The following PINK1 variants were observed in gnomAD, a reference collection of about 807,000 sequenced individuals.
The protein encoded by PINK1 is PTEN induced kinase 1, also known as serine/threonine-protein kinase PINK1, mitochondrial.
PINK1 carries 58 observed loss-of-function variants against 56.0 expected under a neutral mutation model. That is an observed-to-expected ratio of 1.04 (90% CI 0.84 to 1.29). The LOEUF is 1.29. PINK1 is among the 50% of genes most tolerant of loss of function. The pLI is 0.00. For missense variants in PINK1, 745 were observed against 777.9 expected (o/e 0.96, Z 0.50); for synonymous variants, 354 against 339.3 (o/e 1.04, Z -0.48).
In PINK1 at chr1:20,633,948, G is replaced by C. The variant is rs751273819; in HGVS notation, c.387+13G>C. ...TCAGGAGATCCAGGTGAGCGGGGCC[G>C]GGTCCTAAGCCGAGCGGAGGACGGA... On this transcript the variant is annotated intron_variant, in intron 1 of 7. Transcript: ENST00000321556. 6.3e-7 allele frequency: 1 copy of C among 1,580,106 alleles called. No individual in the cohort carries two copies. Among genetic ancestry groups the C allele is most frequent in the South Asian group, 1.1e-5 (1 of 87,166 alleles).
intron 3 of PINK1, among the ~76,000 whole-genome samples, chr1:20,642,450 G>T (rs1202062298): frequency 6.6e-6 from 1 of 152,196 alleles, no homozygotes; most frequent in Non-Finnish European, 1.5e-5. Flanking sequence ...CCTTGGACAT[G>T]CACAGTTATC....
intron 4 of PINK1, among the ~76,000 whole-genome samples, chr1:20,645,202 TAGG>T (rs954989173): frequency 6.6e-6 from 1 of 152,044 alleles, no homozygotes; most frequent in African/African-American, 2.4e-5. Context: ...TTAAGGTTAT[TAGG>T]AGGCCGGGAA....
In PINK1 at chr1:20,638,017, C is replaced by T; in HGVS notation, c.563C>T (p.Thr188Ile). Residue 188 changes from threonine to isoleucine, a missense_variant, in exon 2 of 8, where the codon ACC becomes ATC. Transcript: ENST00000321556. ...CAGAACCTGGAGGTGACAAAGAGCACCGGGTTGCTTCCAGGGAGAGGCCCA... is the reference window on the plus strand; with the variant it reads ...CAGAACCTGGAGGTGACAAAGAGCATCGGGTTGCTTCCAGGGAGAGGCCCA... ...LPQNLEVTKS[T>I]GLLPGRGPGT... 1 of 1,614,138 alleles carries T rather than the reference C, an allele frequency of 6.2e-7. No individual in the cohort carries two copies. The highest frequency in any genetic ancestry group is 8.5e-7 in the Non-Finnish European group (1 of 1,180,034).
rs545059143 is a variant in PINK1 at position 20,641,169 on chromosome 1, G to A, written c.776+1177G>A. Among the ~76,000 whole-genome samples, 72 of 152,278 alleles carry A rather than the reference G, an allele frequency of 4.7e-4. No individual in the cohort carries two copies. The highest frequency in any genetic ancestry group is 1.6e-3 in the African/African-American group (68 of 41,546). ...GTATGAAATTAAGGGAGTGGTTGTG[G>A]AAAACCCCTTCCATGGTTTGGAGGT... On this transcript the variant is annotated intron_variant, in intron 3 of 7. Coordinates refer to ENST00000321556, the MANE Select transcript of PINK1 (RefSeq NM_032409.3). This position sits in a 1 kb window ranked among gnomAD's most constrained non-coding sequence, Gnocchi z 4.0.
intron 4 of PINK1, chr1:20,645,358 G>T: frequency 1.6e-6 from 1 of 625,244 alleles, no homozygotes. Flanking sequence ...GTGTGGTGGC[G>T]GGCACCTATA....
At chr1:20,642,780 A>G in intron 3 of PINK1, 1 of 152,306 alleles carries the variant, frequency 6.6e-6, no homozygotes, top group Non-Finnish European at 1.5e-5. Flanking sequence ...TGATCCTCCC[A>G]CCTCAGCCTC....
rs1247533672 is a variant in PINK1, at chr1:20,650,933, G to A, written c.*242G>A. ...GGTCTAGTAGATGAGGCTGGACTGAGGAGGGGTAGGCCTGCATCCACAGAG... is the reference window on the plus strand; with the variant it reads ...GGTCTAGTAGATGAGGCTGGACTGAAGAGGGGTAGGCCTGCATCCACAGAG... On this transcript the variant is annotated 3_prime_UTR_variant, in exon 8 of 8. Transcript: ENST00000321556. 2 of 563,852 alleles carry A rather than the reference G, an allele frequency of 3.5e-6. No individual in the cohort carries two copies. The highest frequency in any genetic ancestry group is 3.2e-6 in the Non-Finnish European group (1 of 315,554). 34.9% of individuals were successfully genotyped at this position (563,852 alleles called of 1,614,324 possible). A position where few individuals can be genotyped will look rare whatever the true frequency, so the allele number is the denominator to read the frequency against.
rs756630437 is a variant in PINK1, at chr1:20,649,222, G to A, written c.1479G>A (p.Glu493=). The A allele has an allele frequency of 6.2e-7, 1 of 1,614,064 alleles. No individual in the cohort carries two copies. Among genetic ancestry groups the A allele is most frequent in the Non-Finnish European group, 8.5e-7 (1 of 1,179,952 alleles). The change falls in exon 7 of 8, where the codon GAG becomes GAA. Residue 493 remains glutamate (E), a synonymous_variant. Transcript: ENST00000321556. The stretch of plus-strand genomic sequence containing the variant: ...TGGTGAGGGCACTGCTCCAGCGAGA[G>A]GCCAGCAAGGTGAGGCTGTCCCCGG... ...RQLVRALLQR[E]ASKRPSARVA... is the part of the protein sequence containing the mutation.
intron 3 of PINK1, 77 bp downstream of exon 3, chr1:20,640,069 C>T (rs1217577593): frequency 1.4e-5 from 16 of 1,180,036 alleles, no homozygotes; most frequent in Admixed American, 5.9e-5. Flanking sequence ...TCCTCAGCAC[C>T]TGGTACAGTG....
rs897100989 is a variant in PINK1, at chr1:20,649,211, C to T, written c.1468C>T (p.Leu490Phe). Residue 490 changes from leucine to phenylalanine, a missense_variant, in exon 7 of 8, where the codon CTC becomes TTC. Physicochemically the swap from Leu to Phe is conservative, Grantham distance 22. Coordinates refer to ENST00000321556, the MANE Select transcript of PINK1 (RefSeq NM_032409.3). ...CGTGAGACAGTTGGTGAGGGCACTG[C>T]TCCAGCGAGAGGCCAGCAAGGTGAG... ...PDVRQLVRAL[L>F]QREASKRPSA... 1 of 1,614,112 alleles carries T rather than the reference C, an allele frequency of 6.2e-7. No individual in the cohort carries two copies. The highest frequency in any genetic ancestry group is 8.5e-7 in the Non-Finnish European group (1 of 1,179,980).
chr1:20,646,646 A>AT lies in PINK1; in HGVS notation c.1123+924dup, dbSNP rs769069495. On this transcript the variant is annotated intron_variant, in intron 5 of 7. Transcript: ENST00000321556. The stretch of plus-strand genomic sequence containing the variant: ...CGACAGAGTGAGAGTCCATCTCAAA[A>AT]TAAATTAATTAATTAATTAAATTTT... Among the ~76,000 whole-genome samples the AT allele has an allele frequency of 5.9e-5, 8 of 134,730 alleles. No individual in the cohort carries two copies. The South Asian group carries it at 6.9e-4, about 12-fold the overall frequency. 88.4% of individuals were successfully genotyped at this position (134,730 alleles called of 152,430 possible).
At chr1:20,643,850 A>AC (rs1280251983) in intron 3 of PINK1, among the ~76,000 whole-genome samples, 3 of 151,818 alleles carry the variant, frequency 2.0e-5, no homozygotes, top group South Asian at 2.1e-4. Context: ...TCCAAGATAG[A>AC]TCCCCCAGTG....
intron 3 of PINK1, among the ~76,000 whole-genome samples, chr1:20,640,745 T>G (rs2053108019): frequency 6.6e-6 from 1 of 152,314 alleles, no homozygotes; most frequent in African/African-American, 2.4e-5. Flanking sequence ...GAGATACTTG[T>G]GCCCACCTCA....
At position 20,647,456 on chromosome 1, in the gene PINK1, T is replaced by C. The variant is rs181749547; in HGVS notation, c.1124-1049T>C. On this transcript the variant is annotated intron_variant, in intron 5 of 7. Transcript: ENST00000321556. ...ACAGGTATGAGCCACCACGCCCAGC[T>C]GGGAGTTGGCTTTTTTTTTTTTTTT... Among the ~76,000 whole-genome samples, 1,184 of 135,186 alleles carry C rather than the reference T, an allele frequency of 8.8e-3. 16 individuals carry two copies. The highest frequency in any genetic ancestry group is 0.031 in the African/African-American group (1,126 of 36,816). 88.7% of individuals were successfully genotyped at this position (135,186 alleles called of 152,430 possible). A position where few individuals can be genotyped will look rare whatever the true frequency, so the allele number is the denominator to read the frequency against.
chr1:20,642,357 G>A (rs377637887), intron 3 of PINK1, among the ~76,000 whole-genome samples: 31 of 152,238 alleles, frequency 2.0e-4, no homozygotes, highest in South Asian at 1.2e-3. Flanking sequence ...GCTTTAAGGC[G>A]GTAATTTTAT....
In PINK1 at chr1:20,637,844, A is replaced by T. The variant is rs2053072462; in HGVS notation, c.390A>T (p.Ala130=). ...GGTGCATTCTTTTCTCATCACAGGC[A>T]ATTTTTACCCAGAAAAGCAAGCCGG... ...RAVSACQEIQ[A]IFTQKSKPGP... The change falls in exon 2 of 8, where the codon GCA becomes GCT. Residue 130 remains alanine (A), a splice_region_variant and synonymous_variant. Transcript: ENST00000321556. 6.2e-7 allele frequency: 1 copy of T among 1,613,972 alleles called. No homozygotes were observed. The highest frequency in any genetic ancestry group is 2.2e-5 in the East Asian group (1 of 44,872).
In PINK1 at chr1:20,641,518, A is replaced by G. The variant is rs3102071; in HGVS notation, c.776+1526A>G. 0.84 allele frequency among the ~76,000 whole-genome samples: 127,769 copies of G among 152,026 alleles called. 53,965 individuals are homozygous for G. The highest frequency in any genetic ancestry group is 0.9 in the Middle Eastern group (264 of 294). ...TTTTCTGTTGGTTCCTTTTTGCTCC[A>G]GCTGTACTGTAAACACTCTTTGTTT... On this transcript the variant is annotated intron_variant, in intron 3 of 7. Transcript: ENST00000321556. This position sits in a 1 kb window ranked among gnomAD's most constrained non-coding sequence, Gnocchi z 4.0.
At chr1:20,648,695 G>C in intron 6 of PINK1, 63 bp downstream of exon 6, 7 of 1,600,646 alleles carry the variant, frequency 4.4e-6, no homozygotes, top group Non-Finnish European at 6.0e-6. Context: ...CTGAATGCAG[G>C]AGACTCGATG....
intron 3 of PINK1, chr1:20,642,611 T>C (rs1035409677): frequency 4.6e-5 from 7 of 152,254 alleles, no homozygotes; most frequent in African/African-American, 1.7e-4. Context: ...CCAGTTCTTT[T>C]ATCTCATAAG....
Sources: gnomAD v4.1 joint callset for allele counts (sites outside exome capture counted in the v4.1 genomes callset) on GRCh38, gnomAD v4.1.1 for gene constraint, Gnocchi (gnomAD v3.1) non-coding constraint, MANE v1.5 for transcripts, NCBI Gene and HGNC (gene_info 2026-07-23, HGNC 2026-07-21) for gene names.